Variants in UGT1A1 observed in about 807,000 individuals in gnomAD.
UGT1A1 encodes the protein UDP glucuronosyltransferase family 1 member A1.
UGT1A1 carries 33 observed loss-of-function variants against 40.6 expected under a neutral mutation model. That is an observed-to-expected ratio of 0.81 (90% CI 0.62 to 1.09). The LOEUF is 1.09. UGT1A1 is among the 50% of genes least tolerant of loss of function. The pLI is 0.00. For synonymous variants in UGT1A1, 249 were observed against 265.0 expected (o/e 0.94, Z 0.59); for missense variants, 694 against 671.2 (o/e 1.03, Z -0.38).
At position 233,767,903 on chromosome 2, in the gene UGT1A1, C is replaced by G. The variant is rs549391527; in HGVS notation, c.1051C>G (p.Leu351Val). 1.2e-6 allele frequency: 2 copies of G among 1,614,060 alleles called. No homozygotes were observed. Among genetic ancestry groups the G allele is most frequent in the African/African-American group, 1.3e-5 (1 of 74,904 alleles). ...RPSNLANNTILVKWLPQNDLL... is the reference protein window; with the variant it reads ...RPSNLANNTIVVKWLPQNDLL... ...ATCGAATCTTGCGAACAACACGATA[C>G]TTGTTAAGTGGCTACCCCAAAACGA... The change falls in exon 3 of 5, where the codon CTT becomes GTT. Residue 351 changes from leucine to valine, a missense_variant. By Grantham distance (32) the Leu-to-Val change is conservative. Coordinates refer to ENST00000305208, the MANE Select transcript of UGT1A1 (RefSeq NM_000463.3).
intron 1 of UGT1A1, among the ~76,000 whole-genome samples, chr2:233,762,456 GATA>G (rs1312099964): frequency 6.6e-6 from 1 of 152,130 alleles, no homozygotes; most frequent in African/African-American, 2.4e-5. Flanking sequence ...CCCACTTACC[GATA>G]ATGTCATGGA....
At position 233,772,830 on chromosome 2, in the gene UGT1A1, T is replaced by G; in HGVS notation, c.*271T>G. ...CAGAGGACGTGCAGACAGGCTGGCA[T>G]TCTAGATTACTTTTCTTACTCTGAA... On this transcript the variant is annotated 3_prime_UTR_variant, in exon 5 of 5. Transcript: ENST00000305208. 8.7e-6 allele frequency: 8 copies of G among 916,310 alleles called. No homozygotes were observed. Among genetic ancestry groups the G allele is most frequent in the Non-Finnish European group, 1.2e-5 (8 of 660,510 alleles). 56.8% of individuals were successfully genotyped at this position (916,310 alleles called of 1,614,324 possible).
At position 233,760,573 on chromosome 2, in the gene UGT1A1, G is replaced by C. The variant is rs1208621089; in HGVS notation, c.286G>C (p.Gly96Arg). ...TGTGAAAGAGTCTTTTGTTAGTCTC[G>C]GGCATAATGTTTTTGAGAATGATTC... Reference protein sequence around the residue: ...EDVKESFVSLGHNVFENDSFL... With the variant: ...EDVKESFVSLRHNVFENDSFL... The change falls in exon 1 of 5, where the codon GGG (glycine) becomes CGG (arginine). Residue 96 changes from glycine (G) to arginine (R), a missense_variant. Transcript: ENST00000305208. 6.2e-7 allele frequency: 1 copy of C among 1,614,170 alleles called. No individual in the cohort carries two copies. Among genetic ancestry groups the C allele is most frequent in the Non-Finnish European group, 8.5e-7 (1 of 1,180,032 alleles).
intron 4 of UGT1A1, 91 bp downstream of exon 4, chr2:233,768,530 CGTT>C (rs2126039098): frequency 2.0e-6 from 3 of 1,496,416 alleles, no homozygotes; most frequent in African/African-American, 1.4e-5. Flanking sequence ...CATTTAATAG[CGTT>C]GTTTCAAATA....
chr2:233,772,497 T>A lies in UGT1A1; in HGVS notation c.1540T>A (p.Tyr514Asn). The change falls in exon 5 of 5, where the codon TAC becomes AAC. Residue 514 changes from tyrosine to asparagine, a missense_variant. By Grantham distance (143) the Tyr-to-Asn change is moderately radical (BLOSUM62 -2). Coordinates refer to ENST00000305208, the MANE Select transcript of UGT1A1 (RefSeq NM_000463.3). ...CACCTTTAAATGTTGTGCTTATGGC[T>A]ACCGGAAATGCTTGGGGAAAAAAGG... ...FITFKCCAYGYRKCLGKKGRV... is the reference protein window; with the variant it reads ...FITFKCCAYGNRKCLGKKGRV... The A allele has an allele frequency of 6.2e-7, 1 of 1,614,126 alleles. No homozygotes were observed. The highest frequency in any genetic ancestry group is 8.5e-7 in the Non-Finnish European group (1 of 1,180,040).
At chr2:233,767,785 G>C (rs1699483415) in intron 2 of UGT1A1, 64 bp from the exon 3 acceptor site, 2 of 1,613,510 alleles carry the variant, frequency 1.2e-6, no homozygotes, top group Non-Finnish European at 1.7e-6. Flanking sequence ...AGTTAGTATA[G>C]CAGATTTGTT....
At position 233,772,256 on chromosome 2, in the gene UGT1A1, G is replaced by A; in HGVS notation, c.1305-6G>A. ...CCAGGCATAACGAAACTGTCTTTGTGTTTAGTTACAAGGAGAACATCATGC... is the reference window on the plus strand; with the variant it reads ...CCAGGCATAACGAAACTGTCTTTGTATTTAGTTACAAGGAGAACATCATGC... On this transcript the variant is annotated splice_polypyrimidine_tract_variant and splice_region_variant and intron_variant, in intron 4 of 4. Coordinates refer to ENST00000305208, the MANE Select transcript of UGT1A1 (RefSeq NM_000463.3). 1.9e-6 allele frequency: 3 copies of A among 1,614,262 alleles called. No homozygotes were observed. Among genetic ancestry groups the A allele is most frequent in the Non-Finnish European group, 2.5e-6 (3 of 1,180,048 alleles).
At position 233,764,478 on chromosome 2, in the gene UGT1A1, C is replaced by T. The variant is rs370150887; in HGVS notation, c.865-2556C>T. ...TTCGTGATCTCCTGCTATTTAACTT[C>T]GAATGTTTATGGACCTGTGGGTTCA... On this transcript the variant is annotated intron_variant, in intron 1 of 4. Transcript: ENST00000305208. 3.4e-4 allele frequency among the ~76,000 whole-genome samples: 51 copies of T among 152,200 alleles called. 2 individuals are homozygous for T. Among genetic ancestry groups the T allele is most frequent in the East Asian group, 3.1e-3 (16 of 5,174 alleles).
At chr2:233,771,399 T>G (rs972051776) in intron 4 of UGT1A1, 1 of 152,180 alleles carries the variant, frequency 6.6e-6, no homozygotes, top group East Asian at 1.9e-4. Flanking sequence ...GATTGGGCAA[T>G]GAACACTGTC....
At chr2:233,762,940 A>G (rs1474565729) in intron 1 of UGT1A1, among the ~76,000 whole-genome samples, 1 of 152,236 alleles carries the variant, frequency 6.6e-6, no homozygotes, top group Admixed American at 6.5e-5. Context: ...AAACAGTTGA[A>G]TAATTCTGGC....
chr2:233,770,652 C>T (rs985386042), intron 4 of UGT1A1: 7 of 150,004 alleles, frequency 4.7e-5, no homozygotes, highest in Non-Finnish European at 1.0e-4. Context: ...AGTGAGACTC[C>T]GTCTTACTTA....
At position 233,772,278 on chromosome 2, in the gene UGT1A1, A is replaced by G. The variant is rs1289153891; in HGVS notation, c.1321A>G (p.Met441Val). 6.2e-7 allele frequency: 1 copy of G among 1,614,252 alleles called. No homozygotes were observed. Among genetic ancestry groups the G allele is most frequent in the Admixed American group, 1.7e-5 (1 of 60,036 alleles). Residue 441 changes from methionine to valine, a missense_variant, in exon 5 of 5, where the codon ATG becomes GTG. By Grantham distance (21) the Met-to-Val change is conservative. Coordinates refer to ENST00000305208, the MANE Select transcript of UGT1A1 (RefSeq NM_000463.3). Reference sequence around the variant, plus strand: ...TGTGTTTAGTTACAAGGAGAACATCATGCGCCTCTCCAGCCTTCACAAGGA... The same window carrying G: ...TGTGTTTAGTTACAAGGAGAACATCGTGCGCCTCTCCAGCCTTCACAAGGA... ...INDKSYKENI[M>V]RLSSLHKDRP... is the part of the protein sequence containing the mutation.
rs1697622087 is a variant in UGT1A1 at position 233,760,944 on chromosome 2, G to C, written c.657G>C (p.Gln219His). 1.1e-5 allele frequency: 18 copies of C among 1,614,082 alleles called. No homozygotes were observed. The highest frequency in any genetic ancestry group is 1.5e-5 in the Non-Finnish European group (18 of 1,180,050). The change falls in exon 1 of 5, where the codon CAG becomes CAC. Residue 219 changes from glutamine to histidine, a missense_variant. Transcript: ENST00000305208. Reference protein sequence around the residue: ...RVKNMLIAFSQNFLCDVVYSP... With the variant: ...RVKNMLIAFSHNFLCDVVYSP... Reference sequence around the variant, plus strand: ...AGAACATGCTCATTGCCTTTTCACAGAACTTTCTGTGCGACGTGGTTTATT... The same window carrying C: ...AGAACATGCTCATTGCCTTTTCACACAACTTTCTGTGCGACGTGGTTTATT...
chr2:233,762,717 G>GT lies in UGT1A1; in HGVS notation c.864+1578dup, dbSNP rs34681509. 2.7e-3 allele frequency among the ~76,000 whole-genome samples: 387 copies of GT among 141,006 alleles called. 1 individual carries two copies. The highest frequency in any genetic ancestry group is 0.012 in the Middle Eastern group (3 of 260). 92.5% of individuals were successfully genotyped at this position (141,006 alleles called of 152,430 possible). On this transcript the variant is annotated intron_variant, in intron 1 of 4. Coordinates refer to ENST00000305208, the MANE Select transcript of UGT1A1 (RefSeq NM_000463.3). ...CATCTTTTCTTAAGTATTTTACACG[G>GT]TTTTTTTTTTTTGGTCACTACTGTG...
rs2125981806 is a variant in UGT1A1 at position 233,760,282 on chromosome 2, G to A, written c.-6G>A. 1 of 1,612,868 alleles carries A rather than the reference G, an allele frequency of 6.2e-7. No individual in the cohort carries two copies. The highest frequency in any genetic ancestry group is 8.5e-7 in the Non-Finnish European group (1 of 1,179,948). On this transcript the variant is annotated 5_prime_UTR_variant, in exon 1 of 5. Coordinates refer to ENST00000305208, the MANE Select transcript of UGT1A1 (RefSeq NM_000463.3). ...AGGGCGAACCTCTGGCAGGAGCAAA[G>A]GCGCCATGGCTGTGGAGTCCCAGGG...
chr2:233,768,128 C>A, intron 3 of UGT1A1, 92 bp from the exon 4 acceptor site: 1 of 1,605,472 alleles, frequency 6.2e-7, no homozygotes, highest in Non-Finnish European at 8.5e-7. Context: ...GTGAGTAACA[C>A]TGAGTCTTTG....
Position 233,760,598 on chromosome 2 carries a change from C to A in UGT1A1, c.311C>A (p.Ser104Tyr), listed in dbSNP as rs1373476296. 1 of 1,614,208 alleles carries A rather than the reference C, an allele frequency of 6.2e-7. No homozygotes were observed. The highest frequency in any genetic ancestry group is 2.2e-5 in the East Asian group (1 of 44,894). The change falls in exon 1 of 5, where the codon TCT (serine) becomes TAT (tyrosine). Residue 104 changes from serine (S) to tyrosine (Y), a missense_variant. Coordinates refer to ENST00000305208, the MANE Select transcript of UGT1A1 (RefSeq NM_000463.3). ...SLGHNVFEND[S>Y]FLQRVIKTYK... The stretch of plus-strand genomic sequence containing the variant: ...GGGCATAATGTTTTTGAGAATGATT[C>A]TTTCCTGCAGCGTGTGATCAAAACA...
Position 233,772,533 on chromosome 2 carries a change from A to G in UGT1A1, c.1576A>G (p.Lys526Glu). 6.2e-7 allele frequency: 1 copy of G among 1,614,214 alleles called. No homozygotes were observed. Among genetic ancestry groups the G allele is most frequent in the Non-Finnish European group, 8.5e-7 (1 of 1,180,036 alleles). ...KCLGKKGRVK[K>E]AHKSKTH ...CTTGGGGAAAAAAGGGCGAGTTAAG[A>G]AAGCCCACAAATCCAAGACCCATTG... Residue 526 changes from lysine to glutamate, a missense_variant, in exon 5 of 5, where the codon AAA (lysine) becomes GAA (glutamate). Coordinates refer to ENST00000305208, the MANE Select transcript of UGT1A1 (RefSeq NM_000463.3).
At chr2:233,764,093 T>G (rs1018562208) in intron 1 of UGT1A1, among the ~76,000 whole-genome samples, 2 of 152,200 alleles carry the variant, frequency 1.3e-5, no homozygotes, top group African/African-American at 4.8e-5. Context: ...AAGCCTAAAC[T>G]AAAAATACAA....
Sources: allele counts gnomAD v4.1 joint callset (sites outside exome capture counted in the v4.1 genomes callset), GRCh38; gene constraint gnomAD v4.1.1; transcripts MANE v1.5; gene names NCBI Gene and HGNC (gene_info 2026-07-23, HGNC 2026-07-21).